ATP8B4: variants seen among roughly 807,000 people sequenced by gnomAD.
ATP8B4 encodes the protein probable phospholipid-transporting ATPase IM.
Under a neutral mutation model 145.6 loss-of-function variants are expected in ATP8B4, and 133 were observed. The observed-to-expected ratio is 0.91, with a 90% CI of 0.79 to 1.05. The LOEUF is 1.05. ATP8B4 is among the 50% of genes least tolerant of loss of function. The pLI, the probability that ATP8B4 is intolerant of heterozygous loss-of-function variation, is 0.00. For missense variants in ATP8B4, 1,458 were observed against 1,425.2 expected, an observed-to-expected ratio of 1.02 and a Z score of -0.37; for synonymous variants, 507 against 492.9, an observed-to-expected ratio of 1.03 and a Z score of -0.38.
rs759159982 is a variant in ATP8B4 at position 49,972,660 on chromosome 15, T to C, written c.1165A>G (p.Ile389Val). 2.5e-6 allele frequency: 4 copies of C among 1,613,860 alleles called. No individual in the cohort carries two copies. In the Admixed American group the frequency reaches 6.7e-5, roughly 27 times the overall value. The change falls in exon 13 of 28, where the codon ATT (isoleucine) becomes GTT (valine). Residue 389 changes from isoleucine (I) to valine (V), a missense_variant. Transcript: ENST00000284509. ...AGGGTACCCGTTTTGTCGGAGAAAA[T>C]GTACTCAATCTGCCCCAGTTCCTCA... is the stretch of plus-strand genomic sequence containing the variant. ...LNEELGQIEY[I>V]FSDKTGTLTQ...
At chr15:50,129,248 C>G (rs893569991) in intron 1 of ATP8B4, among the ~76,000 whole-genome samples, 4 of 151,960 alleles carry the variant, frequency 2.6e-5, no homozygotes, top group Non-Finnish European at 5.9e-5. Flanking sequence ...TTTCCTAGGG[C>G]TGGAATAGCA....
chr15:49,950,548 CTCTT>C (rs1567058866), intron 14 of ATP8B4, among the ~76,000 whole-genome samples: 1 of 145,204 alleles, frequency 6.9e-6, no homozygotes, highest in African/African-American at 2.5e-5. Flanking sequence ...ATTCTTCTCT[CTCTT>C]CTTCTTTTTT....
chr15:50,152,147 C>T (rs2044356226), intron 1 of ATP8B4, among the ~76,000 whole-genome samples: 1 of 152,038 alleles, frequency 6.6e-6, no homozygotes, highest in East Asian at 1.9e-4. Context: ...TATTAGAAAC[C>T]TGTATTTAAG....
chr15:49,897,789 T>C (rs1473644678), intron 22 of ATP8B4, among the ~76,000 whole-genome samples: 1 of 152,206 alleles, frequency 6.6e-6, no homozygotes, highest in Non-Finnish European at 1.5e-5. Flanking sequence ...GTGGGTCTGG[T>C]GTTCTTTCCT....
At chr15:49,913,571 A>G (rs897667256) in intron 20 of ATP8B4, among the ~76,000 whole-genome samples, 1 of 152,206 alleles carries the variant, frequency 6.6e-6, no homozygotes, top group Non-Finnish European at 1.5e-5. Context: ...GAAAAATAGA[A>G]GTCAAATTGT....
chr15:49,936,601 G>A (rs904771062), intron 14 of ATP8B4, among the ~76,000 whole-genome samples: 3 of 152,026 alleles, frequency 2.0e-5, no homozygotes. Flanking sequence ...TTTCTGGTTT[G>A]TAATTTTAGA....
At chr15:50,069,785 G>T (rs1382465957) in intron 3 of ATP8B4, among the ~76,000 whole-genome samples, 4 of 152,110 alleles carry the variant, frequency 2.6e-5, no homozygotes, top group Non-Finnish European at 4.4e-5. Context: ...TTAGAATCTG[G>T]CCAGTCTGCA....
chr15:50,120,163 G>C (rs1243423442), upstream of ATP8B4, among the ~76,000 whole-genome samples: 1 of 152,054 alleles, frequency 6.6e-6, no homozygotes, highest in Admixed American at 6.6e-5. Flanking sequence ...TATAACCAGA[G>C]CAAGCTAATC....
chr15:50,146,014 CTTTT>C (rs10624735), intron 1 of ATP8B4, among the ~76,000 whole-genome samples: 3 of 133,466 alleles, frequency 2.2e-5, no homozygotes, highest in Non-Finnish European at 4.7e-5. Flanking sequence ...TAAATGTTTA[CTTTT>C]TTTTTTTTTT....
chr15:50,002,900 G>A (rs1464896611), intron 7 of ATP8B4, among the ~76,000 whole-genome samples: 1 of 152,158 alleles, frequency 6.6e-6, no homozygotes, highest in Non-Finnish European at 1.5e-5. Flanking sequence ...GTCCAATTGA[G>A]CTTTGCATAT....
At chr15:50,138,638 T>C (rs1303156353) in intron 1 of ATP8B4, among the ~76,000 whole-genome samples, 1 of 152,208 alleles carries the variant, frequency 6.6e-6, no homozygotes, top group African/African-American at 2.4e-5. Flanking sequence ...TGAACTATTA[T>C]CTAAGAAGCA....
intron 1 of ATP8B4, among the ~76,000 whole-genome samples, chr15:50,176,405 T>C (rs1313310879): frequency 6.6e-6 from 1 of 151,996 alleles, no homozygotes; most frequent in Admixed American, 6.6e-5. Context: ...AGACTACAAA[T>C]CTGGTGCAGT....
intron 1 of ATP8B4, among the ~76,000 whole-genome samples, chr15:50,175,820 C>T (rs999317120): frequency 6.6e-6 from 1 of 152,134 alleles, no homozygotes; most frequent in Non-Finnish European, 1.5e-5. Context: ...AGTAGAACTA[C>T]GATTTGATCC....
rs1033183179 is a variant in ATP8B4 at position 49,859,011 on chromosome 15, C to T, written c.*1183G>A. On this transcript the variant is annotated 3_prime_UTR_variant, in exon 28 of 28. Coordinates refer to ENST00000284509, the MANE Select transcript of ATP8B4 (RefSeq NM_024837.4). ...AGTCTCAGAGAAGGCACATTATCGT[C>T]CAAGTTTATAGAGGTAAGAAGTGAC... is the stretch of plus-strand genomic sequence containing the variant. 1 of 152,146 alleles carries T rather than the reference C, an allele frequency of 6.6e-6. No homozygotes were observed. Among genetic ancestry groups the T allele is most frequent in the Non-Finnish European group, 1.5e-5 (1 of 68,032 alleles). 9.4% of individuals were successfully genotyped at this position (152,146 alleles called of 1,614,324 possible).
At chr15:50,087,128 T>TAC (rs2055219355) in intron 2 of ATP8B4, among the ~76,000 whole-genome samples, 6 of 126,148 alleles carry the variant, frequency 4.8e-5, no homozygotes, top group Middle Eastern at 0.024. Flanking sequence ...ATATATAATA[T>TAC]ATAGATCTAT....
intron 2 of ATP8B4, among the ~76,000 whole-genome samples, chr15:50,084,431 AC>A (rs1600260963): frequency 6.6e-6 from 1 of 152,104 alleles, no homozygotes; most frequent in East Asian, 1.9e-4. Flanking sequence ...CTCTGCACAC[AC>A]CCTGGTCCAA....
intron 6 of ATP8B4, among the ~76,000 whole-genome samples, chr15:50,025,153 T>C (rs984750364): frequency 6.6e-6 from 1 of 152,182 alleles, no homozygotes; most frequent in African/African-American, 2.4e-5. Flanking sequence ...CTCAAGTAAG[T>C]CACAGCAGTA....
intron 3 of ATP8B4, among the ~76,000 whole-genome samples, chr15:50,048,644 G>A (rs1567263498): frequency 6.6e-6 from 1 of 151,490 alleles, no homozygotes; most frequent in African/African-American, 2.4e-5. Context: ...GGAAGCGGAG[G>A]TCGCAGTGAG....
chr15:50,040,970 G>A (rs182499069), intron 5 of ATP8B4, among the ~76,000 whole-genome samples: 2 of 152,258 alleles, frequency 1.3e-5, no homozygotes, highest in East Asian at 3.9e-4. Flanking sequence ...GGTGTCATTG[G>A]CCATGTTATA....
Sources: allele counts gnomAD v4.1 joint callset (sites outside exome capture counted in the v4.1 genomes callset), GRCh38; gene constraint gnomAD v4.1.1; transcripts MANE v1.5; gene names NCBI Gene and HGNC (gene_info 2026-07-23, HGNC 2026-07-21).